GLIS3: variants seen among roughly 807,000 people sequenced by gnomAD.
GLIS3 encodes the protein GLIS family zinc finger 3.
In GLIS3, 53 loss-of-function variants were observed where a neutral mutation model predicts 78.6. The observed-to-expected ratio is 0.67, with a 90% CI of 0.54 to 0.85. The LOEUF is 0.85. GLIS3 is among the 40% of genes least tolerant of loss of function. The pLI, the probability that GLIS3 is intolerant of heterozygous loss-of-function variation, is 0.00. For synonymous variants in GLIS3, 684 were observed against 509.9 expected (o/e 1.34, Z -4.60); for missense variants, 1,703 against 1,231.1 (o/e 1.38, Z -5.74).
At chr9:3,884,911 C>T (rs1275122850) in intron 7 of GLIS3, among the ~76,000 whole-genome samples, 1 of 152,088 alleles carries the variant, frequency 6.6e-6, no homozygotes, top group Non-Finnish European at 1.5e-5. Context: ...CCCCTGAACA[C>T]TCTGTTTGCA....
intron 2 of GLIS3, among the ~76,000 whole-genome samples, chr9:4,159,089 G>C (rs1232540832): frequency 6.6e-6 from 1 of 150,642 alleles, no homozygotes; most frequent in African/African-American, 2.4e-5. Context: ...GGAGAATGTG[G>C]TACCAGATAA....
chr9:4,302,703 T>C (rs1045576493), upstream of GLIS3, among the ~76,000 whole-genome samples: 2 of 151,554 alleles, frequency 1.3e-5, no homozygotes, highest in Admixed American at 6.6e-5. Context: ...CCAAGTTCAA[T>C]CAACATTACT....
intron 2 of GLIS3, among the ~76,000 whole-genome samples, chr9:4,170,417 C>G (rs1816276019): frequency 8.0e-6 from 1 of 125,486 alleles, no homozygotes; most frequent in Admixed American, 8.7e-5. Flanking sequence ...TTTTCCAAAA[C>G]CACACATGAG....
intron 2 of GLIS3, among the ~76,000 whole-genome samples, chr9:4,281,270 G>A (rs893626201): frequency 6.6e-6 from 1 of 152,280 alleles, no homozygotes; most frequent in East Asian, 1.9e-4. Context: ...TTTTAAAATT[G>A]TGGTAAAATA....
chr9:4,186,610 C>T (rs1333727914), intron 2 of GLIS3, among the ~76,000 whole-genome samples: 1 of 151,322 alleles, frequency 6.6e-6, no homozygotes, highest in Non-Finnish European at 1.5e-5. Context: ...TTTACAGTCC[C>T]ACCAACAGTG....
chr9:4,172,557 G>C (rs1816461987), intron 2 of GLIS3, among the ~76,000 whole-genome samples: 1 of 152,090 alleles, frequency 6.6e-6, no homozygotes, highest in Admixed American at 6.5e-5. Flanking sequence ...CAGTTATCTG[G>C]ACCTGGGTTT....
At chr9:4,050,386 G>T (rs573186762) in intron 4 of GLIS3, among the ~76,000 whole-genome samples, 3 of 152,016 alleles carry the variant, frequency 2.0e-5, no homozygotes, top group African/African-American at 4.8e-5. Context: ...TCACAGGTGG[G>T]AATTGAACAA....
chr9:4,213,939 A>T (rs928131713), intron 2 of GLIS3, among the ~76,000 whole-genome samples: 2 of 151,896 alleles, frequency 1.3e-5, no homozygotes, highest in Non-Finnish European at 2.9e-5. Context: ...AAAAAAAAAA[A>T]AAACAACTAA....
At chr9:4,303,313 G>A (rs4097545), upstream of GLIS3, among the ~76,000 whole-genome samples, 118,146 of 151,916 alleles carry the variant, frequency 0.78, 48,924 homozygotes, top group South Asian at 0.94. Flanking sequence ...GTCCAGTTAC[G>A]TAGAAATGCA....
In GLIS3 at chr9:3,977,305, G is replaced by A. The variant is rs1237708001; in HGVS notation, c.1711-40116C>T. 6.6e-6 allele frequency among the ~76,000 whole-genome samples: 1 copy of A among 152,142 alleles called. No individual in the cohort carries two copies. Among genetic ancestry groups the A allele is most frequent in the Non-Finnish European group, 1.5e-5 (1 of 68,030 alleles). On this transcript the variant is annotated intron_variant, in intron 4 of 10. Coordinates refer to ENST00000381971, the MANE Select transcript of GLIS3 (RefSeq NM_001042413.2). This position sits in a 1 kb window ranked among gnomAD's most constrained non-coding sequence, Gnocchi z 4.1. Reference sequence around the variant, plus strand: ...TTAAAATGTAAGGACCGAGAGGAAAGCTCTTGGCTCTATCAGCCTTGCCAT... The same window carrying A: ...TTAAAATGTAAGGACCGAGAGGAAAACTCTTGGCTCTATCAGCCTTGCCAT...
rs569976218 is a variant in GLIS3, at chr9:4,050,507, T to A, written c.1710+67261A>T. Among the ~76,000 whole-genome samples, 16 of 152,206 alleles carry A rather than the reference T, an allele frequency of 1.1e-4. No homozygotes were observed. The East Asian group carries it at 2.5e-3, about 24-fold the overall frequency. On this transcript the variant is annotated intron_variant, in intron 4 of 10. Coordinates refer to ENST00000381971, the MANE Select transcript of GLIS3 (RefSeq NM_001042413.2). The stretch of plus-strand genomic sequence containing the variant: ...GAAATACCTAATGTACATGACAATT[T>A]GATGGGTGCAGCAAGCCAACATGGC...
At chr9:4,075,606 T>C (rs1827980440) in intron 4 of GLIS3, among the ~76,000 whole-genome samples, 1 of 151,894 alleles carries the variant, frequency 6.6e-6, no homozygotes, top group Non-Finnish European at 1.5e-5. Context: ...AAAAAAGATA[T>C]TCGATAGGGA....
intron 3 of GLIS3, among the ~76,000 whole-genome samples, chr9:4,122,686 T>C (rs1301372759): frequency 2.0e-5 from 3 of 152,172 alleles, no homozygotes; most frequent in South Asian, 2.1e-4. Flanking sequence ...AGGATTACAA[T>C]GCATGTGAAA....
the GLIS3 span, among the ~76,000 whole-genome samples, chr9:4,490,264 G>A: frequency 2.0e-5 from 3 of 152,354 alleles, no homozygotes; most frequent in South Asian, 2.1e-4. Flanking sequence ...GCTGTGGGGC[G>A]GGACTCAGGG....
chr9:4,130,871 C>A (rs1396835966), intron 2 of GLIS3, among the ~76,000 whole-genome samples: 1 of 152,168 alleles, frequency 6.6e-6, no homozygotes, highest in Non-Finnish European at 1.5e-5. Flanking sequence ...CAGCTTGCAC[C>A]CTGCACCTGG....
chr9:4,351,494 C>T (rs1188316028), upstream of GLIS3, among the ~76,000 whole-genome samples: 3 of 151,510 alleles, frequency 2.0e-5, no homozygotes, highest in African/African-American at 7.3e-5. Context: ...AGAATATACA[C>T]TGAAAAACAC....
At chr9:4,286,560 A>G in intron 1 of GLIS3, 37 bp from the exon 2 acceptor site, 1 of 1,015,476 alleles carries the variant, frequency 9.8e-7, no homozygotes, top group Admixed American at 2.0e-5. Flanking sequence ...TTTTAAAAGC[A>G]AAAATGAAAA....
chr9:4,391,080 C>A, the GLIS3 span, among the ~76,000 whole-genome samples: 2 of 152,154 alleles, frequency 1.3e-5, no homozygotes, highest in African/African-American at 4.8e-5. Flanking sequence ...CTTTCTATCT[C>A]TGCCCACCAT....
At chr9:3,944,459 G>A (rs1816153842) in intron 4 of GLIS3, among the ~76,000 whole-genome samples, 1 of 152,140 alleles carries the variant, frequency 6.6e-6, no homozygotes, top group Non-Finnish European at 1.5e-5. Context: ...TATTATTCAT[G>A]TTATACCAAT....
Sources: gnomAD v4.1 joint callset for allele counts (sites outside exome capture counted in the v4.1 genomes callset) on GRCh38, gnomAD v4.1.1 for gene constraint, Gnocchi (gnomAD v3.1) non-coding constraint, MANE v1.5 for transcripts, NCBI Gene and HGNC (gene_info 2026-07-23, HGNC 2026-07-21) for gene names.